The following PINX1 variants were observed in gnomAD, a reference collection of about 807,000 sequenced individuals.
PINX1 encodes the protein PIN2/TERF1-interacting telomerase inhibitor 1.
PINX1 carries 34 observed loss-of-function variants against 25.4 expected under a neutral mutation model. The ratio of observed to expected loss-of-function variants is 1.34; its 90% CI spans 1.02 to 1.78. The LOEUF is 1.78. PINX1 is among the 40% of genes most tolerant of loss of function. PINX1 has a pLI of 0.00. For missense variants in PINX1, 592 were observed against 404.9 expected, an observed-to-expected ratio of 1.46 and a Z score of -3.97; for synonymous variants, 197 against 147.7, an observed-to-expected ratio of 1.33 and a Z score of -2.42.
chr8:10,792,310 C>T (rs368943557), intron 6 of PINX1, among the ~76,000 whole-genome samples: 1 of 151,986 alleles, frequency 6.6e-6, no homozygotes, highest in Non-Finnish European at 1.5e-5. Context: ...CTTACTGACC[C>T]TTTTGTCCTT....
intron 6 of PINX1, among the ~76,000 whole-genome samples, chr8:10,766,261 G>A (rs891558): frequency 0.17 from 25,152 of 152,212 alleles, 2,550 homozygotes; most frequent in Non-Finnish European, 0.23. Context: ...AAGTGTTGTG[G>A]TGACTAAGCT....
chr8:10,784,819 C>G (rs1430968437), intron 6 of PINX1, among the ~76,000 whole-genome samples: 1 of 152,164 alleles, frequency 6.6e-6, no homozygotes, highest in African/African-American at 2.4e-5. Context: ...TTGCTTAAAG[C>G]AAGCCTTTTT....
chr8:10,780,361 G>C (rs1050696812), intron 6 of PINX1, among the ~76,000 whole-genome samples: 1 of 152,092 alleles, frequency 6.6e-6, no homozygotes, highest in Non-Finnish European at 1.5e-5. Flanking sequence ...TTTTTCATAA[G>C]TGGCCTTTAT....
intron 6 of PINX1, among the ~76,000 whole-genome samples, chr8:10,766,450 TG>T (rs1280985731): frequency 1.3e-5 from 2 of 152,214 alleles, no homozygotes; most frequent in African/African-American, 4.8e-5. Context: ...CCCTGGAACC[TG>T]GCTTGCCAGG....
rs534083255 is a variant in PINX1, at chr8:10,789,642, A to G, written c.472-23726T>C. Reference sequence around the variant, plus strand: ...AAATAGCACAGGGACCATAAACAACACATGTCACAGGCCCAGTGGCAGAGC... The same window carrying G: ...AAATAGCACAGGGACCATAAACAACGCATGTCACAGGCCCAGTGGCAGAGC... On this transcript the variant is annotated intron_variant, in intron 6 of 6. Coordinates refer to ENST00000314787, the MANE Select transcript of PINX1 (RefSeq NM_017884.6). Among the ~76,000 whole-genome samples the G allele has an allele frequency of 2.0e-5, 3 of 152,324 alleles. No individual in the cohort carries two copies. The East Asian group carries it at 5.8e-4, about 29-fold the overall frequency.
intron 6 of PINX1, among the ~76,000 whole-genome samples, chr8:10,801,220 G>A (rs1382966141): frequency 2.0e-5 from 3 of 152,184 alleles, no homozygotes; most frequent in Non-Finnish European, 2.9e-5. Context: ...AGTGAATAGA[G>A]GAAAGGGATG....
chr8:10,808,567 C>T (rs1157572008), intron 6 of PINX1, among the ~76,000 whole-genome samples: 1 of 152,156 alleles, frequency 6.6e-6, no homozygotes, highest in Non-Finnish European at 1.5e-5. Flanking sequence ...TTACTATTAT[C>T]CCTGTTTTAA....
At chr8:10,778,657 C>T (rs1801489433) in intron 6 of PINX1, among the ~76,000 whole-genome samples, 1 of 152,216 alleles carries the variant, frequency 6.6e-6, no homozygotes, top group Admixed American at 6.5e-5. Context: ...CACGTGGCCG[C>T]TGTTAAACTT....
At chr8:10,767,531 T>G (rs1801092397) in intron 6 of PINX1, among the ~76,000 whole-genome samples, 1 of 152,194 alleles carries the variant, frequency 6.6e-6, no homozygotes, top group South Asian at 2.1e-4. Flanking sequence ...GTGCTGGAAT[T>G]CCATAGGGTG....
intron 6 of PINX1, among the ~76,000 whole-genome samples, chr8:10,771,035 C>A (rs1352960709): frequency 1.3e-5 from 2 of 152,162 alleles, no homozygotes; most frequent in Admixed American, 1.3e-4. Context: ...TGCTCACTGC[C>A]ACCACAGCCT....
intron 6 of PINX1, among the ~76,000 whole-genome samples, chr8:10,780,088 T>A (rs920234138): frequency 4.6e-5 from 7 of 152,372 alleles, no homozygotes; most frequent in African/African-American, 1.7e-4. Context: ...GCAACTTTAC[T>A]GCATTCATTT....
chr8:10,801,979 C>T lies in PINX1; in HGVS notation c.471+18214G>A, dbSNP rs537567101. Among the ~76,000 whole-genome samples, 7 of 152,196 alleles carry T rather than the reference C, an allele frequency of 4.6e-5. No homozygotes were observed. In the East Asian group the frequency reaches 5.8e-4, roughly 13 times the overall value. On this transcript the variant is annotated intron_variant, in intron 6 of 6. Coordinates refer to ENST00000314787, the MANE Select transcript of PINX1 (RefSeq NM_017884.6). ...CAATCTCACAGTACTGCCCCATCCC[C>T]GCAATGGAGAAGCAGAAGATGCAAT...
intron 6 of PINX1, among the ~76,000 whole-genome samples, chr8:10,766,605 G>A (rs113033891): frequency 3.9e-5 from 6 of 152,168 alleles, no homozygotes; most frequent in African/African-American, 1.4e-4. Context: ...AGCTGGGGGT[G>A]GGGAGTAGAG....
chr8:10,810,030 G>T (rs557584715), intron 6 of PINX1, among the ~76,000 whole-genome samples: 48 of 152,326 alleles, frequency 3.2e-4, no homozygotes, highest in African/African-American at 1.1e-3. Context: ...ATGGCCAGAT[G>T]GCAGGAGGAG....
chr8:10,834,526 A>G, intron 2 of PINX1, 140 bp downstream of exon 2: 1 of 1,247,788 alleles, frequency 8.0e-7, no homozygotes, highest in East Asian at 2.5e-5. Context: ...TCATAAGGTC[A>G]CAACAATTTT....
At chr8:10,775,190 T>C (rs1365530493) in intron 6 of PINX1, among the ~76,000 whole-genome samples, 4 of 152,174 alleles carry the variant, frequency 2.6e-5, no homozygotes, top group African/African-American at 4.8e-5. Flanking sequence ...TTTTATTTTA[T>C]AAACAAAAAA....
intron 6 of PINX1, among the ~76,000 whole-genome samples, chr8:10,807,468 G>A (rs193049205): frequency 6.6e-6 from 1 of 151,736 alleles, no homozygotes; most frequent in Non-Finnish European, 1.5e-5. Flanking sequence ...AACAGCTAAT[G>A]TTCCAGAACT....
intron 6 of PINX1, among the ~76,000 whole-genome samples, chr8:10,769,484 C>G (rs1483639752): frequency 6.6e-6 from 1 of 152,166 alleles, no homozygotes; most frequent in Non-Finnish European, 1.5e-5. Flanking sequence ...CACCTGTTCC[C>G]CAGTTCACAG....
chr8:10,780,649 T>C (rs1801557592), intron 6 of PINX1, among the ~76,000 whole-genome samples: 1 of 151,780 alleles, frequency 6.6e-6, no homozygotes, highest in South Asian at 2.1e-4. Flanking sequence ...TAGGGATAAA[T>C]TTAACATAGG....
Sources: gnomAD v4.1 joint callset for allele counts (sites outside exome capture counted in the v4.1 genomes callset) on GRCh38, gnomAD v4.1.1 for gene constraint, MANE v1.5 for transcripts, NCBI Gene and HGNC (gene_info 2026-07-23, HGNC 2026-07-21) for gene names.